The following ZNF385D variants were observed in gnomAD, a reference collection of about 807,000 sequenced individuals.
The protein encoded by ZNF385D is zinc finger protein 385D.
Under a neutral mutation model 35.8 loss-of-function variants are expected in ZNF385D, and 15 were observed. The ratio of observed to expected loss-of-function variants is 0.42; its 90% CI spans 0.28 to 0.64. ZNF385D has a LOEUF of 0.64. Among genes scored for constraint, ZNF385D ranks in the 30% least tolerant of loss-of-function variants. The pLI is 0.23. For missense variants in ZNF385D, 474 were observed against 494.6 expected (o/e 0.96, Z 0.39); for synonymous variants, 212 against 186.8 (o/e 1.13, Z -1.10).
intron 1 of ZNF385D, among the ~76,000 whole-genome samples, chr3:21,733,723 T>A (rs1386520288): frequency 6.6e-6 from 1 of 152,166 alleles, no homozygotes; most frequent in South Asian, 2.1e-4. Flanking sequence ...AGCTTAAATT[T>A]TTATGTTTGA....
intron 2 of ZNF385D, among the ~76,000 whole-genome samples, chr3:22,250,639 G>A (rs1700014639): frequency 2.0e-5 from 3 of 152,208 alleles, no homozygotes; most frequent in African/African-American, 2.4e-5. Context: ...TCTGATGAGA[G>A]AAGAATATTA....
intron 1 of ZNF385D, among the ~76,000 whole-genome samples, chr3:21,693,110 T>A (rs1000675375): frequency 2.0e-5 from 3 of 152,168 alleles, no homozygotes; most frequent in African/African-American, 7.2e-5. Flanking sequence ...ACAAAGGGTA[T>A]CTCTGACTTT....
chr3:22,068,833 CAAGT>C (rs578132148), intron 3 of ZNF385D, among the ~76,000 whole-genome samples: 101 of 152,290 alleles, frequency 6.6e-4, no homozygotes, highest in Non-Finnish European at 1.1e-3. Flanking sequence ...CTTCTAGCAA[CAAGT>C]AACATGGGGC....
chr3:21,977,444 G>T (rs144650475), intron 3 of ZNF385D, among the ~76,000 whole-genome samples: 361 of 152,172 alleles, frequency 2.4e-3, no homozygotes, highest in Middle Eastern at 0.01. Context: ...GGAACACAAA[G>T]AATTAATCAA....
intron 2 of ZNF385D, among the ~76,000 whole-genome samples, chr3:21,574,029 T>C (rs1275121658): frequency 7.3e-6 from 1 of 137,538 alleles, no homozygotes; most frequent in Non-Finnish European, 1.5e-5. Context: ...CACTGCACTC[T>C]AGCCTGCACA....
intron 3 of ZNF385D, among the ~76,000 whole-genome samples, chr3:21,930,792 A>G (rs1040563214): frequency 6.6e-6 from 1 of 152,162 alleles, no homozygotes; most frequent in Non-Finnish European, 1.5e-5. Context: ...TTAGATCCTT[A>G]TCTCACACCA....
At chr3:22,100,824 A>T (rs1399727849) in intron 3 of ZNF385D, among the ~76,000 whole-genome samples, 1 of 152,010 alleles carries the variant, frequency 6.6e-6, no homozygotes. Flanking sequence ...CCTAAAACTT[A>T]AAGTATAATA....
At chr3:22,033,018 G>C (rs565990950) in intron 3 of ZNF385D, among the ~76,000 whole-genome samples, 1 of 152,220 alleles carries the variant, frequency 6.6e-6, no homozygotes, top group East Asian at 1.9e-4. Flanking sequence ...CTATACTGCA[G>C]ACTGAGAAGA....
intron 1 of ZNF385D, among the ~76,000 whole-genome samples, chr3:21,684,394 CTCTCTCTCTCCTCT>C (rs1417357391): frequency 2.9e-4 from 25 of 85,764 alleles, no homozygotes; most frequent in Non-Finnish European, 5.0e-4. Context: ...CTCTCTCTCT[CTCTCTCTCTCCTCT>C]CTCTCTCTCT....
At chr3:21,554,916 A>G (rs957708393) in intron 3 of ZNF385D, among the ~76,000 whole-genome samples, 4 of 152,176 alleles carry the variant, frequency 2.6e-5, no homozygotes, top group African/African-American at 9.7e-5. Context: ...GATTTAAGGA[A>G]ATGGTATGGC....
chr3:22,131,874 T>C (rs944515750), intron 3 of ZNF385D, among the ~76,000 whole-genome samples: 4 of 152,134 alleles, frequency 2.6e-5, no homozygotes, highest in African/African-American at 7.2e-5. Context: ...CAGGGAAACA[T>C]AATATGATTA....
chr3:21,753,555 A>C (rs914322287), upstream of ZNF385D, among the ~76,000 whole-genome samples: 2 of 152,178 alleles, frequency 1.3e-5, no homozygotes, highest in African/African-American at 4.8e-5. Flanking sequence ...ATTCTGTTCA[A>C]ACAGAAAAGG....
rs929275836 is a variant in ZNF385D, at chr3:22,030,302, T to C, written c.325+138515A>G. 1.4e-4 allele frequency among the ~76,000 whole-genome samples: 13 copies of C among 95,932 alleles called. 2 individuals are homozygous for C. Among genetic ancestry groups the C allele is most frequent in the African/African-American group, 5.2e-4 (13 of 25,110 alleles). The allele number at this position is 95,932 out of a possible 152,430, so 62.9% of individuals were successfully genotyped here. ...ATATATATATATATATATATATATA[T>C]CCTATTTGGTCCATCCCTCGAAGAG... On this transcript the variant is annotated intron_variant, in intron 3 of 5. Transcript: ENST00000494108.
At chr3:21,852,964 C>T (rs548153487) in intron 3 of ZNF385D, among the ~76,000 whole-genome samples, 1 of 151,962 alleles carries the variant, frequency 6.6e-6, no homozygotes, top group South Asian at 2.1e-4. Flanking sequence ...CAATTTCTTC[C>T]ACTTGTTCCC....
Position 21,419,337 on chromosome 3 carries a change from G to C in ZNF385D, c.*1877C>G, listed in dbSNP as rs560518111. On this transcript the variant is annotated 3_prime_UTR_variant, in exon 8 of 8. Coordinates refer to ENST00000281523, the MANE Select transcript of ZNF385D (RefSeq NM_024697.3). ...TATGACAAATTTCTATAGCTAGATGGTGGAGAAGAACTCCAAAAAACCATG... is the reference window on the plus strand; with the variant it reads ...TATGACAAATTTCTATAGCTAGATGCTGGAGAAGAACTCCAAAAAACCATG... 1 of 152,032 alleles carries C rather than the reference G, an allele frequency of 6.6e-6. No homozygotes were observed. Among genetic ancestry groups the C allele is most frequent in the South Asian group, 2.1e-4 (1 of 4,816 alleles). The allele number at this position is 152,032 out of a possible 1,614,324, so 9.4% of individuals were successfully genotyped here. A position where few individuals can be genotyped will look rare whatever the true frequency, so the allele number is the denominator to read the frequency against.
At chr3:22,116,891 T>C (rs1286117184) in intron 3 of ZNF385D, among the ~76,000 whole-genome samples, 2 of 152,074 alleles carry the variant, frequency 1.3e-5, no homozygotes, top group South Asian at 2.1e-4. Flanking sequence ...AACACTGAGT[T>C]GTCACCATGT....
At chr3:22,122,732 A>G (rs1487468878) in intron 3 of ZNF385D, among the ~76,000 whole-genome samples, 5 of 152,220 alleles carry the variant, frequency 3.3e-5, no homozygotes, top group African/African-American at 1.2e-4. Flanking sequence ...AGAAAGGCCT[A>G]CTGAGACGGT....
chr3:21,683,707 C>T (rs2066990446), intron 1 of ZNF385D, among the ~76,000 whole-genome samples: 1 of 150,020 alleles, frequency 6.7e-6, no homozygotes, highest in African/African-American at 2.5e-5. Flanking sequence ...GCAGAAGCAA[C>T]AGAAGGATTC....
At chr3:22,323,100 G>C (rs1402504496) in intron 2 of ZNF385D, among the ~76,000 whole-genome samples, 3 of 152,044 alleles carry the variant, frequency 2.0e-5, no homozygotes, top group Non-Finnish European at 4.4e-5. Context: ...CCCCTTGGTT[G>C]CTAGGCTTAT....
Sources: gnomAD v4.1 joint callset for allele counts (sites outside exome capture counted in the v4.1 genomes callset) on GRCh38, gnomAD v4.1.1 for gene constraint, MANE v1.5 for transcripts, NCBI Gene and HGNC (gene_info 2026-07-23, HGNC 2026-07-21) for gene names.